NRXN3: variants seen among roughly 807,000 people sequenced by gnomAD.
NRXN3 encodes neurexin 3, also known as neurexin III.
NRXN3 carries 32 observed loss-of-function variants against 137.6 expected under a neutral mutation model. That is an observed-to-expected ratio of 0.23 (90% CI 0.18 to 0.31). The LOEUF (loss-of-function observed/expected upper bound fraction) is 0.31. Ranked by LOEUF, NRXN3 falls within the 10% of genes least tolerant of loss-of-function variation. NRXN3 has a pLI of 1.00. For synonymous variants in NRXN3, 798 were observed against 784.5 expected (o/e 1.02, Z -0.29); for missense variants, 1,574 against 2,062.5 (o/e 0.76, Z 4.59).
At chr14:79,370,091 C>T (rs2094040737) in intron 15 of NRXN3, among the ~76,000 whole-genome samples, 1 of 152,114 alleles carries the variant, frequency 6.6e-6, no homozygotes, top group Non-Finnish European at 1.5e-5. Context: ...GGAAAGTCGG[C>T]CTTTGCTGTT....
intron 10 of NRXN3, among the ~76,000 whole-genome samples, chr14:78,823,877 T>A (rs1416198604): frequency 1.3e-5 from 2 of 151,506 alleles, no homozygotes; most frequent in African/African-American, 2.4e-5. Context: ...GAGGGTGGAG[T>A]TTTTGGCCCT....
At chr14:78,871,504 T>C (rs1228171133) in intron 10 of NRXN3, among the ~76,000 whole-genome samples, 1 of 152,144 alleles carries the variant, frequency 6.6e-6, no homozygotes, top group Admixed American at 6.6e-5. Context: ...TATAAGTCTT[T>C]AGTGTACGAA....
rs74855016 is a variant in NRXN3, at chr14:78,982,639, T to C, written c.3143-5383T>C. Among the ~76,000 whole-genome samples the C allele has an allele frequency of 4.1e-3, 617 of 152,234 alleles. 3 individuals carry two copies. Among genetic ancestry groups the C allele is most frequent in the African/African-American group, 0.014 (589 of 41,554 alleles). ...ACCCTTTTTATACCATATACAAACA[T>C]CATCTCAAAACATATTAAAGATTCA... On this transcript the variant is annotated intron_variant, in intron 14 of 20. Transcript: ENST00000335750.
In NRXN3 at chr14:79,683,043, A is replaced by C. The variant is rs184983844; in HGVS notation, c.3617-9130A>C. ...GAGGAAATGGTAATAGAGTTCTTCAAAGAAACTCTAATTTCTGGGTCTTAG... is the reference window on the plus strand; with the variant it reads ...GAGGAAATGGTAATAGAGTTCTTCACAGAAACTCTAATTTCTGGGTCTTAG... On this transcript the variant is annotated intron_variant, in intron 17 of 20. Transcript: ENST00000335750. Among the ~76,000 whole-genome samples the C allele has an allele frequency of 5.9e-5, 9 of 152,280 alleles. No homozygotes were observed. In the East Asian group the frequency reaches 1.7e-3, roughly 29 times the overall value.
At chr14:79,247,566 C>T (rs2075358347) in intron 15 of NRXN3, among the ~76,000 whole-genome samples, 1 of 152,098 alleles carries the variant, frequency 6.6e-6, no homozygotes. Context: ...AATTTATCAC[C>T]TTATTTTTCT....
chr14:79,230,416 T>C (rs1267402132), intron 15 of NRXN3, among the ~76,000 whole-genome samples: 1 of 152,154 alleles, frequency 6.6e-6, no homozygotes, highest in Non-Finnish European at 1.5e-5. Context: ...CTACATAAAC[T>C]GAAGATTCCT....
At chr14:79,334,044 A>G (rs957593059) in intron 15 of NRXN3, among the ~76,000 whole-genome samples, 3 of 152,302 alleles carry the variant, frequency 2.0e-5, no homozygotes, top group African/African-American at 7.2e-5. Context: ...ATGCTATTGT[A>G]AAGTAGTGCA....
intron 16 of NRXN3, among the ~76,000 whole-genome samples, chr14:79,626,911 C>T (rs221491): frequency 0.14 from 21,920 of 152,020 alleles, 2,135 homozygotes; most frequent in African/African-American, 0.27. Flanking sequence ...AAGACAGCTA[C>T]GATTAATATA....
Position 79,768,566 on chromosome 14 carries a change from T to A in NRXN3, c.4015-36546T>A, listed in dbSNP as rs1001200641. 4.6e-5 allele frequency among the ~76,000 whole-genome samples: 7 copies of A among 152,286 alleles called. No individual in the cohort carries two copies. In the East Asian group the frequency reaches 1.4e-3, roughly 29 times the overall value. ...AACGGACCTGCCGCTGAGGGTCCTG[T>A]CTGTTAGATGGAAAACTAACAAACA... On this transcript the variant is annotated intron_variant, in intron 19 of 20. Transcript: ENST00000335750.
chr14:78,714,698 T>G, intron 7 of NRXN3, 58 bp from the exon 8 acceptor site: 2 of 1,580,186 alleles, frequency 1.3e-6, no homozygotes, highest in Non-Finnish European at 1.7e-6. Context: ...CCTGTTAGGT[T>G]TCTTACATTT....
chr14:79,607,534 T>C (rs1300226058), intron 16 of NRXN3, among the ~76,000 whole-genome samples: 1 of 152,204 alleles, frequency 6.6e-6, no homozygotes, highest in Non-Finnish European at 1.5e-5. Context: ...GATATTTCTT[T>C]CTTTGTTTTC....
chr14:78,980,404 T>C (rs1367564491), intron 14 of NRXN3, among the ~76,000 whole-genome samples: 1 of 152,176 alleles, frequency 6.6e-6, no homozygotes, highest in African/African-American at 2.4e-5. Flanking sequence ...GAGACATAGG[T>C]TTGGTTAAGT....
intron 15 of NRXN3, among the ~76,000 whole-genome samples, chr14:79,173,530 C>CAA (rs57188919): frequency 0.014 from 1,223 of 90,026 alleles, 13 homozygotes; most frequent in East Asian, 0.03. Flanking sequence ...GACCTTGTCT[C>CAA]AAAAAAAAAA....
At chr14:79,598,421 T>G (rs927474667) in intron 16 of NRXN3, among the ~76,000 whole-genome samples, 1 of 152,176 alleles carries the variant, frequency 6.6e-6, no homozygotes, top group Non-Finnish European at 1.5e-5. Context: ...CACCCAGTCT[T>G]CTACCAGAGG....
At chr14:79,494,442 G>A (rs1277739172) in intron 16 of NRXN3, among the ~76,000 whole-genome samples, 1 of 152,138 alleles carries the variant, frequency 6.6e-6, no homozygotes, top group Admixed American at 6.5e-5. Flanking sequence ...AGCAAAAGAG[G>A]TGAAAAGTGA....
intron 6 of NRXN3, among the ~76,000 whole-genome samples, chr14:78,669,853 T>G (rs907626381): frequency 6.6e-6 from 1 of 152,136 alleles, no homozygotes; most frequent in African/African-American, 2.4e-5. Context: ...TTTTTAAATT[T>G]TATGTATTTA....
chr14:78,312,629 C>G (rs375741209), intron 4 of NRXN3, among the ~76,000 whole-genome samples: 1 of 151,060 alleles, frequency 6.6e-6, no homozygotes, highest in Non-Finnish European at 1.5e-5. Context: ...AAGCCAGTAT[C>G]ATTTCTGGGT....
intron 2 of NRXN3, among the ~76,000 whole-genome samples, chr14:78,274,626 CATG>C (rs1475868782): frequency 6.6e-6 from 1 of 152,146 alleles, no homozygotes; most frequent in Non-Finnish European, 1.5e-5. Flanking sequence ...TGAGGATGAC[CATG>C]CTGAGCATAT....
chr14:78,509,014 T>C (rs745845569), intron 4 of NRXN3, among the ~76,000 whole-genome samples: 1 of 152,114 alleles, frequency 6.6e-6, no homozygotes, highest in Non-Finnish European at 1.5e-5. Flanking sequence ...TTATGTTAAA[T>C]TTGGGCCAGG....
Sources: gnomAD v4.1 joint callset for allele counts (sites outside exome capture counted in the v4.1 genomes callset) on GRCh38, gnomAD v4.1.1 for gene constraint, MANE v1.5 for transcripts, NCBI Gene and HGNC (gene_info 2026-07-23, HGNC 2026-07-21) for gene names.